Variants in THSD7B observed in about 807,000 individuals in gnomAD.
The protein encoded by THSD7B is thrombospondin type 1 domain containing 7B, also known as thrombospondin type-1 domain-containing protein 7B.
In THSD7B, 138 loss-of-function variants were observed where a neutral mutation model predicts 213.6. The observed-to-expected ratio is 0.65, with a 90% CI of 0.56 to 0.74. The LOEUF (loss-of-function observed/expected upper bound fraction) is 0.74. Among genes scored for constraint, THSD7B ranks in the 30% least tolerant of loss-of-function variants. The probability of loss-of-function intolerance (pLI) is 0.00; values close to 1 mark genes in which losing one functional copy is unlikely to be tolerated. For missense variants in THSD7B, 1,931 were observed against 1,991.5 expected (o/e 0.97, Z 0.58); for synonymous variants, 742 against 687.0 (o/e 1.08, Z -1.25).
chr2:137,523,116 T>G (rs1256501680), intron 15 of THSD7B, among the ~76,000 whole-genome samples: 1 of 152,234 alleles, frequency 6.6e-6, no homozygotes, highest in Non-Finnish European at 1.5e-5. Context: ...TTATTTCATA[T>G]GCACAGTTGT....
chr2:137,581,696 C>T (rs1201719986), intron 17 of THSD7B, among the ~76,000 whole-genome samples: 2 of 147,948 alleles, frequency 1.4e-5, no homozygotes, highest in Non-Finnish European at 3.0e-5. Flanking sequence ...GGAGGCGGAG[C>T]TTGCAGTGAG....
chr2:137,346,975 A>G (rs186299991), intron 12 of THSD7B, among the ~76,000 whole-genome samples: 6 of 151,654 alleles, frequency 4.0e-5, no homozygotes, highest in Non-Finnish European at 7.4e-5. Flanking sequence ...ATATAGTTCT[A>G]TGTTTAACTT....
In THSD7B at chr2:137,342,083, G is replaced by A. The variant is rs535649915; in HGVS notation, c.2501-63530G>A. 6.6e-5 allele frequency among the ~76,000 whole-genome samples: 10 copies of A among 151,526 alleles called. No individual in the cohort carries two copies. In the South Asian group the frequency reaches 2.1e-3, roughly 31 times the overall value. ...TTAGTATTGAATTGGCATTGAATTG[G>A]TAGATTACTTTGGGTAGTGTGGACA... is the stretch of plus-strand genomic sequence containing the variant. On this transcript the variant is annotated intron_variant, in intron 12 of 27. Coordinates refer to ENST00000409968, the MANE Select transcript of THSD7B (RefSeq NM_001316349.2).
intron 7 of THSD7B, among the ~76,000 whole-genome samples, chr2:137,209,633 C>G (rs1261838685): frequency 1.3e-5 from 2 of 152,078 alleles, no homozygotes; most frequent in South Asian, 2.1e-4. Context: ...GTGATTAAAT[C>G]ATTCCAATGA....
At chr2:136,927,318 G>T (rs1392415917) in intron 2 of THSD7B, among the ~76,000 whole-genome samples, 1 of 151,810 alleles carries the variant, frequency 6.6e-6, no homozygotes, top group Non-Finnish European at 1.5e-5. Context: ...ACCTGCCTCA[G>T]GTGGGCAGCC....
chr2:137,076,635 C>T (rs573915437), intron 3 of THSD7B, among the ~76,000 whole-genome samples: 291 of 152,272 alleles, frequency 1.9e-3, no homozygotes, highest in Non-Finnish European at 3.0e-3. Flanking sequence ...GAGATGAACC[C>T]GGTACCTCAG....
intron 1 of THSD7B, among the ~76,000 whole-genome samples, chr2:136,779,549 G>A (rs1490375385): frequency 6.6e-6 from 1 of 152,044 alleles, no homozygotes; most frequent in African/African-American, 2.4e-5. Flanking sequence ...TAATTTAAGT[G>A]TTTCTTAAAT....
intron 5 of THSD7B, among the ~76,000 whole-genome samples, chr2:137,158,817 C>A (rs1679956831): frequency 6.6e-6 from 1 of 152,178 alleles, no homozygotes; most frequent in Non-Finnish European, 1.5e-5. Context: ...CCTCTTACTG[C>A]AGTGTCCACC....
At chr2:136,781,169 G>A (rs1201308054) in intron 1 of THSD7B, among the ~76,000 whole-genome samples, 3 of 151,958 alleles carry the variant, frequency 2.0e-5, no homozygotes, top group Non-Finnish European at 4.4e-5. Flanking sequence ...GTTGGGGAGT[G>A]GGGTGGTGGG....
At chr2:137,074,169 A>T (rs1002147221) in intron 3 of THSD7B, among the ~76,000 whole-genome samples, 1 of 151,466 alleles carries the variant, frequency 6.6e-6, no homozygotes, top group African/African-American at 2.4e-5. Context: ...TGATCTGTCT[A>T]ATGTTGACAG....
chr2:137,333,651 G>A (rs995650881), intron 12 of THSD7B, among the ~76,000 whole-genome samples: 2 of 152,172 alleles, frequency 1.3e-5, no homozygotes, highest in African/African-American at 4.8e-5. Context: ...TCTTTGCACT[G>A]GTTACAAGTT....
Position 136,830,689 on chromosome 2 carries a change from C to T in THSD7B, c.-35-51455C>T, listed in dbSNP as rs1025981591. The stretch of plus-strand genomic sequence containing the variant: ...TCTAAAACATCTTGTCTCTTCTAAA[C>T]ACCTTTACTTAGCTATTTCAAATGG... On this transcript the variant is annotated intron_variant, in intron 1 of 27. Transcript: ENST00000409968. 1.8e-4 allele frequency among the ~76,000 whole-genome samples: 28 copies of T among 152,160 alleles called. 2 individuals carry two copies. The highest frequency in any genetic ancestry group is 1.8e-3 in the Admixed American group (28 of 15,276).
At chr2:137,173,879 C>G (rs988360458) in intron 7 of THSD7B, among the ~76,000 whole-genome samples, 12 of 152,188 alleles carry the variant, frequency 7.9e-5, no homozygotes. Flanking sequence ...GTTGACAGAA[C>G]TGTTGACATT....
intron 15 of THSD7B, among the ~76,000 whole-genome samples, chr2:137,481,034 C>T (rs1169366918): frequency 1.3e-5 from 2 of 152,196 alleles, no homozygotes; most frequent in African/African-American, 4.8e-5. Context: ...TGTGAGGATA[C>T]AGCATTTGTC....
At chr2:136,766,922 G>C (rs1681407482) in intron 1 of THSD7B, among the ~76,000 whole-genome samples, 1 of 152,266 alleles carries the variant, frequency 6.6e-6, no homozygotes, top group East Asian at 1.9e-4. Flanking sequence ...TGTTATCATG[G>C]AAATGGTAAC....
chr2:137,332,336 C>G (rs1157587023), intron 12 of THSD7B, among the ~76,000 whole-genome samples: 2 of 152,180 alleles, frequency 1.3e-5, no homozygotes, highest in African/African-American at 4.8e-5. Context: ...GGATTTCAGA[C>G]TTGCACCGGC....
intron 7 of THSD7B, among the ~76,000 whole-genome samples, chr2:137,210,681 T>G (rs1681083494): frequency 6.6e-6 from 1 of 152,062 alleles, no homozygotes; most frequent in Admixed American, 6.6e-5. Context: ...TGCATTTAAG[T>G]AGAGATGAGA....
intron 5 of THSD7B, among the ~76,000 whole-genome samples, chr2:137,120,512 G>C (rs975553275): frequency 1.3e-5 from 2 of 151,962 alleles, no homozygotes. Context: ...CAGAGAGAAG[G>C]GAGAGGGGAT....
intron 10 of THSD7B, among the ~76,000 whole-genome samples, chr2:137,267,312 C>T (rs1682612928): frequency 6.6e-6 from 1 of 152,156 alleles, no homozygotes; most frequent in Non-Finnish European, 1.5e-5. Context: ...TGTTGGCAAA[C>T]AGGCACTTTA....
Sources: gnomAD v4.1 joint callset for allele counts (sites outside exome capture counted in the v4.1 genomes callset) on GRCh38, gnomAD v4.1.1 for gene constraint, MANE v1.5 for transcripts, NCBI Gene and HGNC (gene_info 2026-07-23, HGNC 2026-07-21) for gene names.